Variants in TP63 observed in about 807,000 individuals in gnomAD.
The protein encoded by TP63 is tumor protein 63.
Under a neutral mutation model 82.8 loss-of-function variants are expected in TP63, and 17 were observed. The ratio of observed to expected loss-of-function variants is 0.21; its 90% CI spans 0.14 to 0.31. The LOEUF (loss-of-function observed/expected upper bound fraction) is 0.31. Ranked by LOEUF, TP63 falls within the 10% of genes least tolerant of loss-of-function variation. The probability of loss-of-function intolerance (pLI) is 1.00; values close to 1 mark genes in which losing one functional copy is unlikely to be tolerated. For synonymous variants in TP63, 330 were observed against 321.7 expected, an observed-to-expected ratio of 1.03 and a Z score of -0.28; for missense variants, 648 against 895.3, an observed-to-expected ratio of 0.72 and a Z score of 3.52.
intron 1 of TP63, among the ~76,000 whole-genome samples, chr3:189,638,362 G>A (rs1711525408): frequency 6.6e-6 from 1 of 152,014 alleles, no homozygotes; most frequent in East Asian, 1.9e-4. Flanking sequence ...GGGAATCCAA[G>A]GTAAAAGTAC....
At chr3:189,712,832 G>A (rs1718692146) in intron 1 of TP63, among the ~76,000 whole-genome samples, 1 of 152,178 alleles carries the variant, frequency 6.6e-6, no homozygotes, top group Admixed American at 6.5e-5. Flanking sequence ...TATGAATTAT[G>A]TTTTATTATG....
chr3:189,795,222 C>T (rs1725574075), intron 3 of TP63, among the ~76,000 whole-genome samples: 1 of 152,082 alleles, frequency 6.6e-6, no homozygotes, highest in South Asian at 2.1e-4. Flanking sequence ...AGCCACAAAT[C>T]ATTTTGATTA....
At chr3:189,814,372 T>C (rs1340321227) in intron 4 of TP63, among the ~76,000 whole-genome samples, 1 of 152,216 alleles carries the variant, frequency 6.6e-6, no homozygotes, top group Non-Finnish European at 1.5e-5. Context: ...ATCTGGGGCT[T>C]GATCTAATCT....
At chr3:189,657,924 G>A (rs1418434308) in intron 1 of TP63, among the ~76,000 whole-genome samples, 1 of 152,016 alleles carries the variant, frequency 6.6e-6, no homozygotes, top group African/African-American at 2.4e-5. Flanking sequence ...GGACACCTAA[G>A]TAGTTACAAG....
chr3:189,627,993 A>T (rs1729357159), upstream of TP63, among the ~76,000 whole-genome samples: 1 of 152,186 alleles, frequency 6.6e-6, no homozygotes, highest in Non-Finnish European at 1.5e-5. Context: ...CATGTTATTC[A>T]TCCATTAGGT....
At chr3:189,708,731 C>G (rs916320772) in intron 1 of TP63, among the ~76,000 whole-genome samples, 9 of 152,176 alleles carry the variant, frequency 5.9e-5, no homozygotes, top group Non-Finnish European at 1.2e-4. Context: ...CTGTCACTAT[C>G]CACTATTCTA....
At chr3:189,668,060 G>A (rs1214518921) in intron 1 of TP63, among the ~76,000 whole-genome samples, 2 of 151,926 alleles carry the variant, frequency 1.3e-5, no homozygotes, top group Non-Finnish European at 2.9e-5. Context: ...ATATCCACAG[G>A]AAGACAGAGT....
At chr3:189,661,937 C>T (rs890338310) in intron 1 of TP63, among the ~76,000 whole-genome samples, 2 of 151,912 alleles carry the variant, frequency 1.3e-5, no homozygotes, top group Non-Finnish European at 2.9e-5. Flanking sequence ...TTTGATTGCG[C>T]TTATTTGGAT....
At chr3:189,885,092 T>C (rs780364848) in intron 10 of TP63, among the ~76,000 whole-genome samples, 41 of 152,204 alleles carry the variant, frequency 2.7e-4, no homozygotes, top group Non-Finnish European at 2.9e-4. Context: ...TCCCCTCTAA[T>C]GTAAATATGC....
chr3:189,825,931 C>T (rs1404538810), intron 4 of TP63, among the ~76,000 whole-genome samples: 1 of 152,192 alleles, frequency 6.6e-6, no homozygotes, highest in Non-Finnish European at 1.5e-5. Flanking sequence ...CCTCTCCACC[C>T]TTCCCCCTCC....
rs752779160 is a variant in TP63 at position 189,886,590 on chromosome 3, C to G, written c.1507+39C>G. 8 of 1,611,974 alleles carry G rather than the reference C, an allele frequency of 5.0e-6. No individual in the cohort carries two copies. In the South Asian group the frequency reaches 8.8e-5, roughly 18 times the overall value. ...CTTTTAGCTGTGGCTGAAGGATGAA[C>G]AGGCTAGCTTAGGACAAGACTCTGT... On this transcript the variant is annotated intron_variant, in intron 11 of 13. Coordinates refer to ENST00000264731, the MANE Select transcript of TP63 (RefSeq NM_003722.5).
At chr3:189,841,388 G>GGTGT (rs1474877407) in intron 4 of TP63, among the ~76,000 whole-genome samples, 1 of 152,118 alleles carries the variant, frequency 6.6e-6, no homozygotes, top group African/African-American at 2.4e-5. Context: ...GGTGAGTGAT[G>GGTGT]GTGTCATTTA....
rs569929451 is a variant in TP63, at chr3:189,751,390, G to A, written c.324+12616G>A. 1.4e-4 allele frequency among the ~76,000 whole-genome samples: 21 copies of A among 152,306 alleles called. No homozygotes were observed. The East Asian group carries it at 3.5e-3, about 25-fold the overall frequency. The stretch of plus-strand genomic sequence containing the variant: ...TCCAGTTCTAGATCCTTGAGGGATT[G>A]CCACACTGTCTTCCACAATGGTTGA... On this transcript the variant is annotated intron_variant, in intron 3 of 13. Transcript: ENST00000264731.
the TP63 span, among the ~76,000 whole-genome samples, chr3:189,601,144 GTGTTCTTTTGTATGAC>G: frequency 6.6e-6 from 1 of 152,214 alleles, no homozygotes. Context: ...CAGGTTGGAT[GTGTTCTTTTGTATGAC>G]TGTTCTTGGA....
At chr3:189,815,781 T>A (rs1182462675) in intron 4 of TP63, among the ~76,000 whole-genome samples, 4 of 152,176 alleles carry the variant, frequency 2.6e-5, no homozygotes, top group Non-Finnish European at 4.4e-5. Flanking sequence ...AATCAGCATC[T>A]AAGAGAAAGG....
intron 3 of TP63, among the ~76,000 whole-genome samples, chr3:189,783,070 G>A (rs1031112325): frequency 1.3e-5 from 2 of 151,864 alleles, no homozygotes; most frequent in African/African-American, 4.8e-5. Flanking sequence ...AATTTTTGCT[G>A]TATGATTATA....
intron 4 of TP63, among the ~76,000 whole-genome samples, chr3:189,814,231 T>C (rs1727912164): frequency 6.6e-6 from 1 of 152,174 alleles, no homozygotes; most frequent in African/African-American, 2.4e-5. Flanking sequence ...TGCGTGGCCC[T>C]CTGGAATTTA....
the TP63 span, among the ~76,000 whole-genome samples, chr3:189,597,069 C>T: frequency 1.3e-5 from 2 of 152,246 alleles, no homozygotes; most frequent in East Asian, 1.9e-4. Context: ...AAACTCCAGA[C>T]GCGCCACCTT....
intron 3 of TP63, among the ~76,000 whole-genome samples, chr3:189,786,422 A>G (rs1469018504): frequency 6.7e-6 from 1 of 150,338 alleles, no homozygotes; most frequent in Non-Finnish European, 1.5e-5. Flanking sequence ...ACTGTATGCA[A>G]ATTTGAAAGA....
Sources: gnomAD v4.1 joint callset for allele counts (sites outside exome capture counted in the v4.1 genomes callset) on GRCh38, gnomAD v4.1.1 for gene constraint, MANE v1.5 for transcripts, NCBI Gene and HGNC (gene_info 2026-07-23, HGNC 2026-07-21) for gene names.